The following GFOD2 variants were observed in gnomAD, a reference collection of about 807,000 sequenced individuals.
The protein encoded by GFOD2 is glucose-fructose oxidoreductase domain-containing protein 2.
GFOD2 carries 9 observed loss-of-function variants against 24.6 expected under a neutral mutation model. The ratio of observed to expected loss-of-function variants is 0.37; its 90% confidence interval spans 0.22 to 0.64. GFOD2 has a LOEUF of 0.64. GFOD2 is among the 30% of genes least tolerant of loss of function. GFOD2 has a pLI of 0.65. For missense variants in GFOD2, 476 were observed against 532.5 expected (o/e 0.89, Z 1.04); for synonymous variants, 211 against 224.8 (o/e 0.94, Z 0.55).
intron 2 of GFOD2, chr16:67,680,994 G>A (rs2142992845): frequency 3.0e-6 from 3 of 985,476 alleles, no homozygotes; most frequent in East Asian, 1.1e-4. Context: ...CTTGCACGGG[G>A]CCCGGCAGGG....
In GFOD2 at chr16:67,694,551, C is replaced by T. The variant is rs60725148; in HGVS notation, c.-87-8749G>A. On this transcript the variant is annotated intron_variant, in intron 1 of 2. Coordinates refer to ENST00000268797, the MANE Select transcript of GFOD2 (RefSeq NM_030819.4). ...CTGGCTTCAAGTGATCCTCCCACCT[C>T]GGCCACCCAAAGCACTGGGATTATA... Among the ~76,000 whole-genome samples the T allele has an allele frequency of 4.3e-3, 653 of 152,238 alleles. 15 individuals carry two copies. Among genetic ancestry groups the T allele is most frequent in the East Asian group, 0.036 (187 of 5,182 alleles).
chr16:67,694,646 C>T lies in GFOD2; in HGVS notation c.-87-8844G>A, dbSNP rs535135117. 1.7e-3 allele frequency among the ~76,000 whole-genome samples: 253 copies of T among 152,166 alleles called. 1 individual carries two copies. Among genetic ancestry groups the T allele is most frequent in the African/African-American group, 5.9e-3 (244 of 41,506 alleles). On this transcript the variant is annotated intron_variant, in intron 1 of 2. Transcript: ENST00000268797. ...TTTCAAGCCCAGCATCTCTTTTGCT[C>T]CTACTGTAGACACAAGTGTACTGGA...
intron 1 of GFOD2, among the ~76,000 whole-genome samples, chr16:67,697,044 A>G (rs1212118559): frequency 6.6e-6 from 1 of 152,194 alleles, no homozygotes; most frequent in Non-Finnish European, 1.5e-5. Flanking sequence ...CCACAAACCC[A>G]GTCCTGCCAA....
intron 1 of GFOD2, among the ~76,000 whole-genome samples, chr16:67,696,724 C>T (rs1043772362): frequency 6.6e-5 from 10 of 152,184 alleles, no homozygotes; most frequent in Non-Finnish European, 1.3e-4. Flanking sequence ...CCGCCTGCCT[C>T]AGCCTCCCAA....
chr16:67,680,282 T>A (rs1011019091), intron 2 of GFOD2, among the ~76,000 whole-genome samples: 1 of 152,166 alleles, frequency 6.6e-6, no homozygotes, highest in African/African-American at 2.4e-5. Flanking sequence ...ACAGCTGTAG[T>A]CCCAGATACA....
intron 2 of GFOD2, among the ~76,000 whole-genome samples, chr16:67,679,998 C>CA (rs1174912560): frequency 3.9e-5 from 6 of 152,128 alleles, no homozygotes; most frequent in African/African-American, 1.4e-4. Context: ...TGAGCTCAAA[C>CA]AGAGCCTTCC....
At chr16:67,684,623 G>C (rs1372239952) in intron 2 of GFOD2, 1 of 372,416 alleles carries the variant, frequency 2.7e-6, no homozygotes, top group Non-Finnish European at 3.7e-6. Context: ...TTGAACCTGG[G>C]AGGCGAAGGT....
intron 1 of GFOD2, among the ~76,000 whole-genome samples, chr16:67,700,665 T>C (rs2053396098): frequency 6.6e-6 from 1 of 151,606 alleles, no homozygotes; most frequent in Non-Finnish European, 1.5e-5. Flanking sequence ...TGAACTGAGA[T>C]TGTGCCACTG....
rs753967389 is a variant in GFOD2 at position 67,692,229 on chromosome 16, A to T, written c.-87-6427T>A. 9.4e-5 allele frequency among the ~76,000 whole-genome samples: 11 copies of T among 116,792 alleles called. No individual in the cohort carries two copies. The East Asian group carries it at 2.3e-3, about 25-fold the overall frequency. 76.6% of individuals were successfully genotyped at this position (116,792 alleles called of 152,430 possible). The stretch of plus-strand genomic sequence containing the variant: ...ATACAGTCACATGAATGAACTTGGT[A>T]AAAAAAAAAAAAAAAAGAAAACATA... On this transcript the variant is annotated intron_variant, in intron 1 of 2. Transcript: ENST00000268797.
intron 1 of GFOD2, among the ~76,000 whole-genome samples, chr16:67,696,014 CT>C (rs768998994): frequency 2.5e-3 from 351 of 142,346 alleles, no homozygotes; most frequent in Non-Finnish European, 2.9e-3. Context: ...ATAGGGAACC[CT>C]TTTTTTTTTT....
intron 2 of GFOD2, among the ~76,000 whole-genome samples, chr16:67,678,442 C>T (rs781195459): frequency 1.5e-4 from 22 of 148,128 alleles, no homozygotes; most frequent in African/African-American, 2.8e-4. Context: ...CGCCATTGCA[C>T]GCCAGCTTTG....
chr16:67,698,738 C>T (rs560622132), intron 1 of GFOD2, among the ~76,000 whole-genome samples: 6 of 152,216 alleles, frequency 3.9e-5, no homozygotes, highest in African/African-American at 9.6e-5. Flanking sequence ...CTCGGCCTCC[C>T]GAAGTGTTGG....
Position 67,675,305 on chromosome 16 carries a change from G to A in GFOD2, c.1008C>T (p.Ala336=). The part of the protein sequence containing the change: ...TWDRTPVSMA[A]SFEDGLYMQS... The stretch of plus-strand genomic sequence containing the variant: ...GCATGTACAGCCCATCCTCGAAGGA[G>A]GCGGCCATGGAGACAGGGGTGCGGT... Residue 336 remains alanine, a synonymous_variant, in exon 3 of 3, where the codon GCC becomes GCT. Coordinates refer to ENST00000268797, the MANE Select transcript of GFOD2 (RefSeq NM_030819.4). 1 of 1,612,998 alleles carries A rather than the reference G, an allele frequency of 6.2e-7. No individual in the cohort carries two copies. Among genetic ancestry groups the A allele is most frequent in the Non-Finnish European group, 8.5e-7 (1 of 1,180,022 alleles).
At chr16:67,679,912 CA>C (rs796819227) in intron 2 of GFOD2, among the ~76,000 whole-genome samples, 6 of 149,782 alleles carry the variant, frequency 4.0e-5, no homozygotes, top group Admixed American at 6.6e-5. Flanking sequence ...ACAACAACAA[CA>C]AAAAAAAACA....
intron 2 of GFOD2, chr16:67,684,084 T>C (rs1339783561): frequency 1.0e-5 from 2 of 196,128 alleles, no homozygotes; most frequent in African/African-American, 2.4e-5. Flanking sequence ...AAAAAAATAA[T>C]TGAGGCTGGG....
intron 1 of GFOD2, among the ~76,000 whole-genome samples, chr16:67,703,663 A>G (rs1027535440): frequency 8.5e-5 from 13 of 152,138 alleles, no homozygotes; most frequent in African/African-American, 3.1e-4. Context: ...GATGAATCAG[A>G]TGTTACCTGT....
At chr16:67,691,936 G>A (rs977158468) in intron 1 of GFOD2, among the ~76,000 whole-genome samples, 7 of 152,036 alleles carry the variant, frequency 4.6e-5, no homozygotes, top group African/African-American at 1.2e-4. Flanking sequence ...ATACAGAATC[G>A]TACAGCTGTT....
At chr16:67,693,905 G>A (rs1468786526) in intron 1 of GFOD2, among the ~76,000 whole-genome samples, 2 of 151,832 alleles carry the variant, frequency 1.3e-5, no homozygotes, top group African/African-American at 4.8e-5. Context: ...GGGTGACAGA[G>A]CAACAGAAAG....
rs149136580 is a variant in GFOD2 at position 67,685,575 on chromosome 16, C to G, written c.141G>C (p.Glu47Asp). The stretch of plus-strand genomic sequence containing the variant: ...GGCTGGTGTAGAAGGCGATGTTCAT[C>G]TCCTCAGCAAGCTGCTTCGCCTCCT... Reference protein sequence around the residue: ...TEEEAKQLAEEMNIAFYTSRT... With the variant: ...TEEEAKQLAEDMNIAFYTSRT... The change falls in exon 2 of 3, where the codon GAG becomes GAC. Residue 47 changes from glutamate to aspartate, a missense_variant. Coordinates refer to ENST00000268797, the MANE Select transcript of GFOD2 (RefSeq NM_030819.4). 7.4e-6 allele frequency: 12 copies of G among 1,614,108 alleles called. No homozygotes were observed. In the African/African-American group the frequency reaches 1.3e-4, roughly 18 times the overall value.
Sources: allele counts gnomAD v4.1 joint callset (sites outside exome capture counted in the v4.1 genomes callset), GRCh38; gene constraint gnomAD v4.1.1; transcripts MANE v1.5; gene names NCBI Gene and HGNC (gene_info 2026-07-23, HGNC 2026-07-21).